ADGRV1: variants seen among roughly 807,000 people sequenced by gnomAD.
ADGRV1 encodes G-protein coupled receptor 98.
In ADGRV1, 359 loss-of-function variants were observed where a neutral mutation model predicts 596.2. The observed-to-expected ratio is 0.60, with a 90% CI of 0.55 to 0.66. The LOEUF is 0.66. Among genes scored for constraint, ADGRV1 ranks in the 30% least tolerant of loss-of-function variants. The pLI, the probability that ADGRV1 is intolerant of heterozygous loss-of-function variation, is 0.00. For synonymous variants in ADGRV1, 2,681 were observed against 2,679.2 expected, an observed-to-expected ratio of 1.00 and a Z score of -0.02; for missense variants, 7,274 against 7,575.6, an observed-to-expected ratio of 0.96 and a Z score of 1.48.
Position 90,783,988 on chromosome 5 carries a change from T to C in ADGRV1, c.13584T>C (p.Ala4528=). The part of the protein sequence containing the change: ...RFLNQSKISI[A]NPNSTMILSL... The stretch of plus-strand genomic sequence containing the variant: ...TCAATCAAAGCAAAATTTCTATTGC[T>C]AATCCCAATTCCACAATGATTTTAT... Residue 4528 remains alanine (A), a synonymous_variant, in exon 67 of 90, where the codon GCT becomes GCC. Coordinates refer to ENST00000405460, the MANE Select transcript of ADGRV1 (RefSeq NM_032119.4). 1 of 1,612,874 alleles carries C rather than the reference T, an allele frequency of 6.2e-7. No homozygotes were observed. The highest frequency in any genetic ancestry group is 2.2e-5 in the East Asian group (1 of 44,844).
rs777315783 is a variant in ADGRV1 at position 90,857,768 on chromosome 5, C to A, written c.17755+1867C>A. Among the ~76,000 whole-genome samples the A allele has an allele frequency of 3.9e-5, 6 of 152,070 alleles. No homozygotes were observed. In the South Asian group the frequency reaches 6.2e-4, roughly 16 times the overall value. ...CATCCCTCTGATGGATCCCCAGGAACCAGAAAAGAGAATTTTATATATCTT... is the reference window on the plus strand; with the variant it reads ...CATCCCTCTGATGGATCCCCAGGAAACAGAAAAGAGAATTTTATATATCTT... On this transcript the variant is annotated intron_variant, in intron 82 of 89. Coordinates refer to ENST00000405460, the MANE Select transcript of ADGRV1 (RefSeq NM_032119.4).
At chr5:90,781,920 C>A (rs1419570621) in intron 65 of ADGRV1, among the ~76,000 whole-genome samples, 2 of 152,068 alleles carry the variant, frequency 1.3e-5, no homozygotes, top group African/African-American at 4.8e-5. Flanking sequence ...AGTGAATATT[C>A]ACTTCCTAAT....
intron 84 of ADGRV1, among the ~76,000 whole-genome samples, chr5:90,972,078 A>C (rs1247626545): frequency 6.6e-6 from 1 of 152,210 alleles, no homozygotes; most frequent in Non-Finnish European, 1.5e-5. Context: ...CAGACTTTAG[A>C]CCAATAAAGC....
At chr5:90,977,901 G>A (rs115079337) in intron 84 of ADGRV1, among the ~76,000 whole-genome samples, 2,795 of 152,146 alleles carry the variant, frequency 0.018, 77 homozygotes, top group African/African-American at 0.062. Context: ...CCCATCCTCC[G>A]TTTCCTCCGG....
Position 90,778,930 on chromosome 5 carries a change from G to A in ADGRV1, c.12915G>A (p.Met4305Ile). 6.2e-7 allele frequency: 1 copy of A among 1,613,512 alleles called. No homozygotes were observed. Among genetic ancestry groups the A allele is most frequent in the South Asian group, 1.1e-5 (1 of 91,064 alleles). The change falls in exon 64 of 90, where the codon ATG becomes ATA. Residue 4305 changes from methionine to isoleucine, a missense_variant. Transcript: ENST00000405460. ...FGHVRLWYKT[M>I]SGTAEAGLDF... is the part of the protein sequence containing the mutation. ...ATGTGCGACTCTGGTACAAGACGAT[G>A]AGCGGGACAGCGGAAGCAGGCTTGG...
rs760159666 is a variant in ADGRV1, at chr5:90,625,185, T to G, written c.614T>G (p.Ile205Ser). ...GATTTGAGTCCAGTTAAAGGAAATATCACCTTTCCCCCTGGCAGAGCAACA... is the reference window on the plus strand; with the variant it reads ...GATTTGAGTCCAGTTAAAGGAAATAGCACCTTTCCCCCTGGCAGAGCAACA... ...DEDLSPVKGNITFPPGRATVI... is the reference protein window; with the variant it reads ...DEDLSPVKGNSTFPPGRATVI... Residue 205 changes from isoleucine to serine, a missense_variant, in exon 6 of 90, where the codon ATC becomes AGC. Around this residue, in one of 5 missense-constraint regions of ADGRV1, gnomAD observed 1,715 missense variants for 1,708.8 expected, o/e 1.00. Transcript: ENST00000405460. 5.0e-6 allele frequency: 8 copies of G among 1,613,718 alleles called. No individual in the cohort carries two copies. The South Asian group carries it at 8.8e-5, about 18-fold the overall frequency.
At chr5:91,010,489 A>AT (rs552131128) in intron 85 of ADGRV1, among the ~76,000 whole-genome samples, 182 of 152,226 alleles carry the variant, frequency 1.2e-3, no homozygotes, top group Middle Eastern at 6.8e-3. Flanking sequence ...TGAAATAGAG[A>AT]TATCAAGTTC....
chr5:90,714,995 A>G (rs1452284070), intron 42 of ADGRV1, among the ~76,000 whole-genome samples: 1 of 152,160 alleles, frequency 6.6e-6, no homozygotes, highest in East Asian at 1.9e-4. Context: ...AACTATTTTG[A>G]TTGGGGTTGA....
chr5:90,627,251 G>A lies in ADGRV1; in HGVS notation c.713G>A (p.Ser238Asn), dbSNP rs780686130. 1.9e-6 allele frequency: 3 copies of A among 1,581,642 alleles called. No homozygotes were observed. Among genetic ancestry groups the A allele is most frequent in the South Asian group, 1.2e-5 (1 of 85,284 alleles). The change falls in exon 7 of 90, where the codon AGT becomes AAT. Residue 238 changes from serine (S) to asparagine (N), a missense_variant. Ser to Asn is a conservative substitution (Grantham distance 46, BLOSUM62 1). Coordinates refer to ENST00000405460, the MANE Select transcript of ADGRV1 (RefSeq NM_032119.4). The stretch of plus-strand genomic sequence containing the variant: ...GAAATATTTTTAATTCAACTGAAAA[G>A]TGTAGAAGGAGGAGCTGAGATTAAC... ...NDEIFLIQLK[S>N]VEGGAEINTS...
chr5:91,089,973 G>A lies in ADGRV1; in HGVS notation c.18311-12246G>A, dbSNP rs147193757. 5.3e-3 allele frequency among the ~76,000 whole-genome samples: 806 copies of A among 152,210 alleles called. 4 individuals carry two copies. Among genetic ancestry groups the A allele is most frequent in the Middle Eastern group, 0.017 (5 of 292 alleles). Reference sequence around the variant, plus strand: ...AACTGGTAATGTAGTTAGAAAACTAGGTTAAGCCAGTCTTCAGTCATTAGT... The same window carrying A: ...AACTGGTAATGTAGTTAGAAAACTAAGTTAAGCCAGTCTTCAGTCATTAGT... On this transcript the variant is annotated intron_variant, in intron 86 of 89. Transcript: ENST00000405460.
Position 90,690,519 on chromosome 5 carries a change from A to G in ADGRV1, c.6707-278A>G, listed in dbSNP as rs923605060. Among the ~76,000 whole-genome samples the G allele has an allele frequency of 2.0e-5, 3 of 152,310 alleles. No homozygotes were observed. The East Asian group carries it at 5.8e-4, about 29-fold the overall frequency. Reference sequence around the variant, plus strand: ...CCTCTGGAGCAGGCTTGCACTGTGCAATCAGCTTCTGTGCTCACTGGACCT... The same window carrying G: ...CCTCTGGAGCAGGCTTGCACTGTGCGATCAGCTTCTGTGCTCACTGGACCT... On this transcript the variant is annotated intron_variant, in intron 30 of 89. Transcript: ENST00000405460.
chr5:90,843,820 A>G (rs1429409595), intron 78 of ADGRV1, among the ~76,000 whole-genome samples: 1 of 152,216 alleles, frequency 6.6e-6, no homozygotes, highest in Admixed American at 6.5e-5. Flanking sequence ...GAAAAACGAT[A>G]GCCATTATGA....
chr5:90,911,193 T>C (rs958014174), intron 83 of ADGRV1, among the ~76,000 whole-genome samples: 1 of 152,176 alleles, frequency 6.6e-6, no homozygotes, highest in East Asian at 1.9e-4. Flanking sequence ...AAAATCTGTG[T>C]GACTATTTTT....
chr5:90,569,012 C>T (rs1756033354), intron 1 of ADGRV1, among the ~76,000 whole-genome samples: 1 of 152,004 alleles, frequency 6.6e-6, no homozygotes, highest in African/African-American at 2.4e-5. Flanking sequence ...CTGGAAAGTC[C>T]AAGAACTTGG....
rs1420288881 is a variant in ADGRV1 at position 90,976,322 on chromosome 5, G to GTGTGTATATATA, written c.17974-9021_17974-9020insGTGTATATATAT. On this transcript the variant is annotated intron_variant, in intron 84 of 89. Transcript: ENST00000405460. ...TATGTGTGTGTGTGTGTGTGTGTGTGTATATATATATATATATATATATAT... is the reference window on the plus strand; with the variant it reads ...TATGTGTGTGTGTGTGTGTGTGTGTGTGTGTATATATATATATATATATATATATATATATAT... Among the ~76,000 whole-genome samples the GTGTGTATATATA allele has an allele frequency of 4.5e-3, 486 of 108,544 alleles. 3 individuals are homozygous for GTGTGTATATATA. The highest frequency in any genetic ancestry group is 7.2e-3 in the Non-Finnish European group (401 of 55,524). 71.2% of individuals were successfully genotyped at this position (108,544 alleles called of 152,430 possible).
intron 87 of ADGRV1, among the ~76,000 whole-genome samples, chr5:91,133,785 T>G (rs1338078525): frequency 6.6e-6 from 1 of 152,226 alleles, no homozygotes; most frequent in Non-Finnish European, 1.5e-5. Context: ...AGTATGTTTT[T>G]AATTCAGGAC....
intron 85 of ADGRV1, among the ~76,000 whole-genome samples, chr5:91,068,422 T>A (rs1386385987): frequency 6.6e-6 from 1 of 151,336 alleles, no homozygotes; most frequent in Non-Finnish European, 1.5e-5. Flanking sequence ...TGAGCCGAGA[T>A]CGCACCACTG....
At position 90,619,120 on chromosome 5, in the gene ADGRV1, G is replaced by A; in HGVS notation, c.392G>A (p.Arg131Lys). Residue 131 changes from arginine to lysine, a missense_variant, in exon 4 of 90, where the codon AGG becomes AAG. By Grantham distance (26) the Arg-to-Lys change is conservative. Coordinates refer to ENST00000405460, the MANE Select transcript of ADGRV1 (RefSeq NM_032119.4). ...GCAAATGTGAAGCTTGGATGGCCAA[G>A]GACTGTTACTGTGACAATATTATCA... ...PSANVKLGWP[R>K]TVTVTILSND... 6.6e-7 allele frequency: 1 copy of A among 1,503,862 alleles called. No individual in the cohort carries two copies. The highest frequency in any genetic ancestry group is 8.9e-7 in the Non-Finnish European group (1 of 1,121,588). 93.2% of individuals were successfully genotyped at this position (1,503,862 alleles called of 1,614,324 possible).
chr5:90,839,943 T>C (rs1159732531), intron 77 of ADGRV1, among the ~76,000 whole-genome samples: 1 of 152,238 alleles, frequency 6.6e-6, no homozygotes, highest in Non-Finnish European at 1.5e-5. Flanking sequence ...TTAATAGTTC[T>C]TGGCTCAGTA....
Sources: gnomAD v4.1 joint callset for allele counts (sites outside exome capture counted in the v4.1 genomes callset) on GRCh38, gnomAD v4.1.1 for gene constraint, gnomAD v4.1.1 regional missense constraint, MANE v1.5 for transcripts, NCBI Gene and HGNC (gene_info 2026-07-23, HGNC 2026-07-21) for gene names.